Variants in LAMA3 observed in about 807,000 individuals in gnomAD.
The protein encoded by LAMA3 is laminin subunit alpha 3.
A neutral mutation model predicts 402.0 loss-of-function variants in LAMA3; 281 were observed. That is an observed-to-expected ratio of 0.70 (90% CI 0.63 to 0.77). The LOEUF is 0.77. LAMA3 is among the 30% of genes least tolerant of loss of function. LAMA3 has a pLI of 0.00. For synonymous variants in LAMA3, 1,431 were observed against 1,558.4 expected, an observed-to-expected ratio of 0.92 and a Z score of 1.93; for missense variants, 3,840 against 4,215.5, an observed-to-expected ratio of 0.91 and a Z score of 2.47.
At chr18:23,844,960 T>G (rs1486979519) in intron 29 of LAMA3, 49 bp from the exon 30 acceptor site, 1 of 1,031,850 alleles carries the variant, frequency 9.7e-7, no homozygotes, top group South Asian at 1.3e-5. Context: ...TAGCCTTAGG[T>G]CTGTGTCATC....
intron 49 of LAMA3, 76 bp downstream of exon 49, chr18:23,903,201 G>T: frequency 2.2e-6 from 2 of 920,620 alleles, no homozygotes; most frequent in South Asian, 2.6e-5. Flanking sequence ...GAAATGGGCT[G>T]ACCTACTTTT....
At chr18:23,838,371 C>T (rs1467328107) in intron 25 of LAMA3, among the ~76,000 whole-genome samples, 1 of 152,144 alleles carries the variant, frequency 6.6e-6, no homozygotes, top group African/African-American at 2.4e-5. Context: ...GCAGTGGCAG[C>T]CCTCACTTTG....
intron 37 of LAMA3, 79 bp from the exon 38 acceptor site, chr18:23,871,352 T>C (rs757948144): frequency 1.8e-6 from 2 of 1,102,372 alleles, no homozygotes; most frequent in Non-Finnish European, 2.8e-6. Flanking sequence ...TTTTGATTCA[T>C]TCGGGGTGTC....
At chr18:23,733,844 G>A (rs1472753053) in intron 2 of LAMA3, among the ~76,000 whole-genome samples, 1 of 152,154 alleles carries the variant, frequency 6.6e-6, no homozygotes, top group Non-Finnish European at 1.5e-5. Context: ...ATGAGTCAAG[G>A]TCATGAGTAC....
intron 7 of LAMA3, among the ~76,000 whole-genome samples, chr18:23,759,483 C>T (rs2061925095): frequency 6.6e-6 from 1 of 152,176 alleles, no homozygotes; most frequent in African/African-American, 2.4e-5. Flanking sequence ...GCAACCTCTG[C>T]CTCCCAGGTT....
intron 67 of LAMA3, among the ~76,000 whole-genome samples, chr18:23,937,288 C>A (rs550421128): frequency 1.3e-4 from 19 of 149,558 alleles, no homozygotes; most frequent in African/African-American, 4.7e-4. Flanking sequence ...ATCACTTGAA[C>A]CCGGGAGGTG....
In LAMA3 at chr18:23,871,513, G is replaced by A. The variant is rs557657738; in HGVS notation, c.4850G>A (p.Arg1617His). The change falls in exon 38 of 75, where the codon CGC (arginine) becomes CAC (histidine). Residue 1617 changes from arginine (R) to histidine (H), a missense_variant. By Grantham distance (29) the Arg-to-His change is conservative (BLOSUM62 0). Transcript: ENST00000313654. Reference sequence around the variant, plus strand: ...GTGCTGTCTAGACTGGCAGATGTGCGCATCCAAGGCCTCTACTTCACAGAG... The same window carrying A: ...GTGCTGTCTAGACTGGCAGATGTGCACATCCAAGGCCTCTACTTCACAGAG... ...MTVLSRLADV[R>H]IQGLYFTETQ... The A allele has an allele frequency of 8.7e-6, 14 of 1,614,146 alleles. No homozygotes were observed. In the East Asian group the frequency reaches 2.7e-4, roughly 31 times the overall value.
At chr18:23,928,586 A>G (rs774181169) in intron 63 of LAMA3, 39 bp from the exon 64 acceptor site, 7 of 1,606,218 alleles carry the variant, frequency 4.4e-6, no homozygotes, top group Non-Finnish European at 6.0e-6. Context: ...CCAAGAAATG[A>G]TTACAATGCC....
At chr18:23,894,836 G>A (rs1414894695) in intron 43 of LAMA3, 71 bp from the exon 44 acceptor site, 7 of 1,595,462 alleles carry the variant, frequency 4.4e-6, no homozygotes, top group East Asian at 2.2e-5. Flanking sequence ...GGGCTGCATA[G>A]CACTTGTGGT....
chr18:23,726,185 C>G (rs1369116730), intron 2 of LAMA3, among the ~76,000 whole-genome samples: 1 of 152,220 alleles, frequency 6.6e-6, no homozygotes, highest in African/African-American at 2.4e-5. Flanking sequence ...CACCCCTCCC[C>G]TCTTTGGAAT....
intron 11 of LAMA3, among the ~76,000 whole-genome samples, chr18:23,779,068 A>C (rs2062382600): frequency 6.6e-6 from 1 of 152,154 alleles, no homozygotes; most frequent in South Asian, 2.1e-4. Flanking sequence ...TGTTCAGTGA[A>C]CAAAAAGAGA....
intron 10 of LAMA3, among the ~76,000 whole-genome samples, chr18:23,776,713 C>G (rs2143912130): frequency 6.6e-6 from 1 of 152,236 alleles, no homozygotes; most frequent in South Asian, 2.1e-4. Flanking sequence ...ACACCTCCCA[C>G]CCCAGGTAAT....
chr18:23,854,572 C>T (rs1046238858), intron 32 of LAMA3, among the ~76,000 whole-genome samples: 7 of 151,258 alleles, frequency 4.6e-5, no homozygotes, highest in East Asian at 1.9e-4. Flanking sequence ...ACCCGGGAGG[C>T]GGAGCTTGCA....
Position 23,790,701 on chromosome 18 carries a change from C to T in LAMA3, c.1603+6544C>T, listed in dbSNP as rs556564096. On this transcript the variant is annotated intron_variant, in intron 12 of 74. Coordinates refer to ENST00000313654, the MANE Select transcript of LAMA3 (RefSeq NM_198129.4). ...CTAGAAACTGTTGCTCAGTAAATTG[C>T]AGCAATAATCTGATGAATCCATTTT... Among the ~76,000 whole-genome samples, 242 of 152,212 alleles carry T rather than the reference C, an allele frequency of 1.6e-3. 1 individual carries two copies. The highest frequency in any genetic ancestry group is 5.6e-3 in the African/African-American group (233 of 41,530).
intron 52 of LAMA3, 32 bp from the exon 53 acceptor site, chr18:23,907,514 AAAGT>A (rs1411122987): frequency 1.4e-6 from 2 of 1,439,842 alleles, no homozygotes; most frequent in South Asian, 2.3e-5. Flanking sequence ...CAAAATGCAC[AAAGT>A]AATTGCCTCC....
chr18:23,863,041 G>A (rs2064264140), intron 35 of LAMA3, among the ~76,000 whole-genome samples: 1 of 152,036 alleles, frequency 6.6e-6, no homozygotes, highest in African/African-American at 2.4e-5. Context: ...GAGAGAGAGA[G>A]CTAGCTCAAG....
At position 23,871,642 on chromosome 18, in the gene LAMA3, A is replaced by G. The variant is rs376839324; in HGVS notation, c.4979A>G (p.Tyr1660Cys). 1.2e-6 allele frequency: 2 copies of G among 1,608,878 alleles called. No homozygotes were observed. The highest frequency in any genetic ancestry group is 2.7e-5 in the African/African-American group (2 of 74,900). Residue 1660 changes from tyrosine to cysteine, a missense_variant, in exon 38 of 75, where the codon TAC (tyrosine) becomes TGC (cysteine). By Grantham distance (194) the Tyr-to-Cys change is radical (BLOSUM62 -2). Around this residue, in one of 3 missense-constraint regions of LAMA3, gnomAD observed 2,109 missense variants for 2,376.0 expected, o/e 0.89. Transcript: ENST00000313654. The stretch of plus-strand genomic sequence containing the variant: ...GAAATCTGTGCCTGCCCCCCTGCCT[A>G]CGCTGGTGACTCTTGTCAGGTAGGA... ...AVEICACPPA[Y>C]AGDSCQGCSP...
intron 12 of LAMA3, among the ~76,000 whole-genome samples, chr18:23,784,677 A>T (rs2062506259): frequency 1.3e-5 from 2 of 150,040 alleles, no homozygotes; most frequent in Middle Eastern, 3.4e-3. Context: ...AGGGTCGCTG[A>T]AGGGGGGATG....
intron 41 of LAMA3, among the ~76,000 whole-genome samples, chr18:23,888,938 TAA>T (rs5823406): frequency 2.7e-5 from 4 of 145,838 alleles, no homozygotes; most frequent in Non-Finnish European, 1.5e-5. Context: ...TATTTGACTT[TAA>T]AAAAAAAAAA....
Sources: allele counts gnomAD v4.1 joint callset (sites outside exome capture counted in the v4.1 genomes callset), GRCh38; gene constraint gnomAD v4.1.1; regional missense constraint gnomAD v4.1.1; transcripts MANE v1.5; gene names NCBI Gene and HGNC (gene_info 2026-07-23, HGNC 2026-07-21).